Variants in REPS1 observed in about 807,000 individuals in gnomAD.
REPS1 encodes the protein RALBP1 associated Eps domain containing 1, also known as ralBP1-associated Eps domain-containing protein 1.
REPS1 carries 39 observed loss-of-function variants against 100.9 expected under a neutral mutation model. That is an observed-to-expected ratio of 0.39 (90% CI 0.30 to 0.50). The LOEUF (loss-of-function observed/expected upper bound fraction) is 0.50, where lower values mean the gene tolerates loss of function less well. Ranked by LOEUF, REPS1 falls within the 20% of genes least tolerant of loss-of-function variation. The pLI, the probability that REPS1 is intolerant of heterozygous loss-of-function variation, is 0.86. For missense variants in REPS1, 821 were observed against 968.5 expected (o/e 0.85, Z 2.02); for synonymous variants, 324 against 340.3 (o/e 0.95, Z 0.53).
At chr6:138,981,223 G>A (rs1246915441) in intron 1 of REPS1, among the ~76,000 whole-genome samples, 1 of 152,176 alleles carries the variant, frequency 6.6e-6, no homozygotes, top group African/African-American at 2.4e-5. Flanking sequence ...TAATGAGACA[G>A]ACCCCAAATT....
chr6:138,941,223 G>A, intron 8 of REPS1, 112 bp downstream of exon 8: 1 of 1,129,134 alleles, frequency 8.9e-7, no homozygotes, highest in Non-Finnish European at 1.3e-6. Context: ...TACACTTGAT[G>A]AAATATCTAA....
chr6:138,921,357 G>A (rs1025999017), intron 10 of REPS1, among the ~76,000 whole-genome samples: 2 of 151,686 alleles, frequency 1.3e-5, no homozygotes, highest in African/African-American at 4.8e-5. Flanking sequence ...TTTAAGTGGA[G>A]TGATTAAAGA....
chr6:138,966,959 C>T (rs1784058524), intron 1 of REPS1, among the ~76,000 whole-genome samples: 1 of 152,182 alleles, frequency 6.6e-6, no homozygotes, highest in African/African-American at 2.4e-5. Flanking sequence ...GAAGTTCATG[C>T]TTTGGAAATT....
At chr6:138,980,264 C>T (rs928673537) in intron 1 of REPS1, among the ~76,000 whole-genome samples, 3 of 152,232 alleles carry the variant, frequency 2.0e-5, no homozygotes, top group Non-Finnish European at 2.9e-5. Flanking sequence ...TATCCACTAG[C>T]GTATCTGCTT....
chr6:138,980,899 G>C (rs1784913032), intron 1 of REPS1, among the ~76,000 whole-genome samples: 1 of 152,088 alleles, frequency 6.6e-6, no homozygotes, highest in Admixed American at 6.5e-5. Context: ...AAGATGTCTT[G>C]ATCCTTCACC....
intron 1 of REPS1, among the ~76,000 whole-genome samples, chr6:138,984,664 G>GT (rs1562574368): frequency 6.6e-6 from 1 of 151,950 alleles, no homozygotes; most frequent in Non-Finnish European, 1.5e-5. Context: ...TTCTCACTTC[G>GT]TATCTGCCAT....
At chr6:138,971,094 T>C (rs1348692110) in intron 1 of REPS1, among the ~76,000 whole-genome samples, 2 of 152,180 alleles carry the variant, frequency 1.3e-5, no homozygotes, top group East Asian at 1.9e-4. Context: ...TAGAGGGAAA[T>C]GTACTTAGGG....
At chr6:138,986,924 C>T (rs1785291507) in intron 1 of REPS1, among the ~76,000 whole-genome samples, 1 of 152,186 alleles carries the variant, frequency 6.6e-6, no homozygotes, top group East Asian at 1.9e-4. Context: ...TTTCGAATGC[C>T]TGTTGAAAAA....
Position 138,929,992 on chromosome 6 carries a change from C to G in REPS1, c.1242G>C (p.Leu414=). 6.2e-7 allele frequency: 1 copy of G among 1,613,564 alleles called. No homozygotes were observed. Among genetic ancestry groups the G allele is most frequent in the Non-Finnish European group, 8.5e-7 (1 of 1,179,594 alleles). ...MPSLNQTWPE[L]NQSSEQWETF... ...CTTTGCTAACCTCACTGCTCTGATT[C>G]AGCTCAGGCCATGTCTGGTTTAGTG... Residue 414 remains leucine (L), a synonymous_variant, in exon 9 of 20, where the codon CTG becomes CTC. Transcript: ENST00000450536.
At chr6:138,977,227 G>A (rs1439637357) in intron 1 of REPS1, among the ~76,000 whole-genome samples, 1 of 152,080 alleles carries the variant, frequency 6.6e-6, no homozygotes, top group Non-Finnish European at 1.5e-5. Flanking sequence ...CTCTTGCTCT[G>A]GCCTGATGCA....
chr6:138,937,504 C>T (rs1781928342), intron 8 of REPS1, among the ~76,000 whole-genome samples: 1 of 150,826 alleles, frequency 6.6e-6, no homozygotes, highest in Non-Finnish European at 1.5e-5. Flanking sequence ...TCTTCATGTG[C>T]CTTCTCTTCT....
chr6:138,987,459 G>A, intron 1 of REPS1, 71 bp downstream of exon 1: 1 of 1,376,064 alleles, frequency 7.3e-7, no homozygotes, highest in South Asian at 1.5e-5. Context: ...AGGAATCGGC[G>A]CCCACTCCCA....
intron 1 of REPS1, among the ~76,000 whole-genome samples, chr6:138,950,643 T>C (rs1206515008): frequency 6.6e-6 from 1 of 152,264 alleles, no homozygotes; most frequent in Non-Finnish European, 1.5e-5. Flanking sequence ...TTTTAATTAC[T>C]TTAGCTTTAT....
At chr6:138,976,345 G>A (rs1373758670) in intron 1 of REPS1, among the ~76,000 whole-genome samples, 1 of 152,084 alleles carries the variant, frequency 6.6e-6, no homozygotes, top group Non-Finnish European at 1.5e-5. Context: ...ATAATTGTGA[G>A]GATTGGGACC....
At chr6:138,921,206 A>G in intron 10 of REPS1, 82 bp from the exon 11 acceptor site, 1 of 901,982 alleles carries the variant, frequency 1.1e-6, no homozygotes, top group Non-Finnish European at 1.7e-6. Flanking sequence ...AAACAAAACT[A>G]AAAACCAGTG....
In REPS1 at chr6:138,945,646, G is replaced by A; in HGVS notation, c.329C>T (p.Ser110Phe). ...RFVASKNEQESRHAASYSSDS... is the reference protein window; with the variant it reads ...RFVASKNEQEFRHAASYSSDS... ...TGAAGAATATGAGGCTGCATGGCGA[G>A]ATTCCTGTTCATTCTTTGAAGCAAC... Residue 110 changes from serine (S) to phenylalanine (F), a missense_variant, in exon 3 of 20, where the codon TCT becomes TTT. Transcript: ENST00000450536. The A allele has an allele frequency of 6.2e-7, 1 of 1,612,834 alleles. No homozygotes were observed.
intron 17 of REPS1, 183 bp downstream of exon 17, chr6:138,911,093 T>C (rs1292532565): frequency 9.5e-6 from 5 of 525,850 alleles, no homozygotes; most frequent in African/African-American, 1.9e-5. Context: ...GACACATACT[T>C]AACATAGATT....
chr6:138,935,079 T>C (rs1781721292), intron 8 of REPS1, among the ~76,000 whole-genome samples: 1 of 152,218 alleles, frequency 6.6e-6, no homozygotes, highest in Non-Finnish European at 1.5e-5. Flanking sequence ...ATTTCCAAAA[T>C]GAACTCCACT....
At chr6:138,963,051 T>C (rs985286554) in intron 1 of REPS1, among the ~76,000 whole-genome samples, 6 of 152,152 alleles carry the variant, frequency 3.9e-5, no homozygotes, top group South Asian at 2.1e-4. Context: ...CAAACTTACT[T>C]TGGCCAACCT....
Sources: allele counts gnomAD v4.1 joint callset (sites outside exome capture counted in the v4.1 genomes callset), GRCh38; gene constraint gnomAD v4.1.1; transcripts MANE v1.5; gene names NCBI Gene and HGNC (gene_info 2026-07-23, HGNC 2026-07-21).